The following SRGAP2 variants were observed in gnomAD, a reference collection of about 807,000 sequenced individuals.
SRGAP2 encodes the protein SLIT-ROBO Rho GTPase-activating protein 2.
A neutral mutation model predicts 57.2 loss-of-function variants in SRGAP2; 15 were observed. The observed-to-expected ratio is 0.26, with a 90% CI of 0.18 to 0.40. SRGAP2 has a LOEUF of 0.40. Ranked by LOEUF, SRGAP2 falls within the 10% of genes least tolerant of loss-of-function variation. The probability of loss-of-function intolerance (pLI) is 1.00; values close to 1 mark genes in which losing one functional copy is unlikely to be tolerated. For missense variants in SRGAP2, 520 were observed against 669.6 expected, an observed-to-expected ratio of 0.78 and a Z score of 2.47; for synonymous variants, 249 against 248.0, an observed-to-expected ratio of 1.00 and a Z score of -0.04.
intron 2 of SRGAP2, chr1:206,208,321 A>G (rs1481767408): frequency 6.6e-6 from 1 of 151,510 alleles, no homozygotes; most frequent in Non-Finnish European, 1.5e-5. Flanking sequence ...TTGGTTGCTC[A>G]TTATGTTCCA....
intron 5 of SRGAP2, among the ~76,000 whole-genome samples, chr1:206,389,596 G>T (rs1281877601): frequency 6.6e-6 from 1 of 152,024 alleles, no homozygotes; most frequent in Non-Finnish European, 1.5e-5. Context: ...CTCTAGTTTT[G>T]GTTTAGGACT....
At chr1:206,241,911 C>CGTGT (rs781785493) in intron 2 of SRGAP2, among the ~76,000 whole-genome samples, 7,206 of 103,986 alleles carry the variant, frequency 0.069, 399 homozygotes, top group African/African-American at 0.092. Context: ...GAGGTGTTTG[C>CGTGT]GTGTGTGTGT....
chr1:206,362,839 C>G (rs1221305637), intron 4 of SRGAP2, among the ~76,000 whole-genome samples: 2 of 151,978 alleles, frequency 1.3e-5, no homozygotes, highest in Non-Finnish European at 1.5e-5. Context: ...AGTTCTGACT[C>G]TCTGGGGCAG....
chr1:206,269,305 CT>C lies in SRGAP2; in HGVS notation c.68-33974del, dbSNP rs1213503349. On this transcript the variant is annotated intron_variant, in intron 2 of 22. Transcript: ENST00000573034. ...GATAGTAATCCGTATCATGGTCACCCTTATGGAAGGGTAATGACTGGAAGGG... is the reference window on the plus strand; with the variant it reads ...GATAGTAATCCGTATCATGGTCACCCTATGGAAGGGTAATGACTGGAAGGG... Among the ~76,000 whole-genome samples, 333 of 122,108 alleles carry C rather than the reference CT, an allele frequency of 2.7e-3. 4 individuals carry two copies. Among genetic ancestry groups the C allele is most frequent in the African/African-American group, 0.011 (316 of 29,234 alleles). The allele number at this position is 122,108 out of a possible 152,430, so 80.1% of individuals were successfully genotyped here.
intron 3 of SRGAP2, among the ~76,000 whole-genome samples, chr1:206,303,888 TCA>T (rs1172123806): frequency 0.34 from 47,646 of 138,346 alleles, 4,358 homozygotes; most frequent in East Asian, 0.53. Context: ...TCTCTCTCTC[TCA>T]CACACACACA....
chr1:206,325,950 G>A (rs1268305838), intron 3 of SRGAP2, among the ~76,000 whole-genome samples: 1 of 152,042 alleles, frequency 6.6e-6, no homozygotes, highest in Non-Finnish European at 1.5e-5. Context: ...AGGTGGTTTG[G>A]GGTCTTGAAG....
chr1:206,333,146 TGAG>T (rs1288301526), intron 3 of SRGAP2, among the ~76,000 whole-genome samples: 30 of 148,006 alleles, frequency 2.0e-4, no homozygotes, highest in Admixed American at 8.8e-4. Flanking sequence ...GGGACCCACT[TGAG>T]GAGGCAGTCT....
At chr1:206,323,001 A>G (rs1187718476) in intron 3 of SRGAP2, among the ~76,000 whole-genome samples, 7 of 151,678 alleles carry the variant, frequency 4.6e-5, no homozygotes, top group African/African-American at 1.7e-4. Flanking sequence ...CAGTCCCACA[A>G]GAGTGAGAAT....
intron 18 of SRGAP2, among the ~76,000 whole-genome samples, chr1:206,450,136 A>C (rs1217177285): frequency 6.6e-6 from 1 of 152,212 alleles, no homozygotes; most frequent in Non-Finnish European, 1.5e-5. Context: ...TATACCTTCA[A>C]AAGGGCTTCC....
chr1:206,383,218 T>C (rs1553347596), intron 4 of SRGAP2, among the ~76,000 whole-genome samples: 3 of 148,728 alleles, frequency 2.0e-5, no homozygotes, highest in African/African-American at 7.7e-5. Flanking sequence ...AGAGATGGGG[T>C]TTCACTATGT....
At chr1:206,387,019 A>G (rs1572020411) in intron 5 of SRGAP2, among the ~76,000 whole-genome samples, 1 of 135,714 alleles carries the variant, frequency 7.4e-6, no homozygotes, top group South Asian at 2.6e-4. Flanking sequence ...CCAGCTACTC[A>G]GGAGGCTGAG....
At chr1:206,429,427 T>A (rs1661099137) in intron 13 of SRGAP2, among the ~76,000 whole-genome samples, 3 of 152,280 alleles carry the variant, frequency 2.0e-5, no homozygotes, top group African/African-American at 4.8e-5. Context: ...ACATAGGATC[T>A]GCTCTTGTGA....
At chr1:206,430,278 G>C (rs1240756696) in intron 14 of SRGAP2, 56 bp downstream of exon 14, 18 of 778,528 alleles carry the variant, frequency 2.3e-5, no homozygotes, top group South Asian at 2.0e-4. Flanking sequence ...AGAACTTCCA[G>C]GAATTCTTTG....
chr1:206,401,326 T>C (rs1553355381), intron 7 of SRGAP2, 95 bp from the exon 8 acceptor site: 1 of 714,146 alleles, frequency 1.4e-6, no homozygotes, highest in African/African-American at 1.8e-5. Context: ...GCCAAGCCTA[T>C]TGATGTGGTC....
intron 2 of SRGAP2, among the ~76,000 whole-genome samples, chr1:206,239,487 T>C (rs1401929863): frequency 2.6e-5 from 4 of 152,198 alleles, no homozygotes; most frequent in African/African-American, 9.7e-5. Context: ...AGACAGAGTC[T>C]TCCTCTGTCG....
chr1:206,450,333 A>G, intron 18 of SRGAP2, 53 bp from the exon 19 acceptor site: 1 of 773,404 alleles, frequency 1.3e-6, no homozygotes, highest in Non-Finnish European at 2.4e-6. Flanking sequence ...AGGGGAAGAC[A>G]AGAATTTTAT....
intron 3 of SRGAP2, among the ~76,000 whole-genome samples, chr1:206,320,338 TAA>T (rs1240519457): frequency 2.1e-5 from 1 of 46,688 alleles, no homozygotes; most frequent in Non-Finnish European, 4.1e-5. Flanking sequence ...TGAAATATTT[TAA>T]GTTTGTTTAT....
Position 206,439,355 on chromosome 1 carries a change from T to C in SRGAP2, c.1769-621T>C, listed in dbSNP as rs201732887. Among the ~76,000 whole-genome samples, 8 of 152,110 alleles carry C rather than the reference T, an allele frequency of 5.3e-5. No homozygotes were observed. The East Asian group carries it at 1.5e-3, about 29-fold the overall frequency. ...TACATACCCAGGGGCCTGCTACCTC[T>C]TGCCTCAGGCCACTTTTTACTCATT... On this transcript the variant is annotated intron_variant, in intron 16 of 22. Coordinates refer to ENST00000573034, the MANE Select transcript of SRGAP2 (RefSeq NM_015326.5).
In SRGAP2 at chr1:206,327,075, C is replaced by A. The variant is rs1178899364; in HGVS notation, c.261-15771C>A. Reference sequence around the variant, plus strand: ...GGTGCGGTGGTTCACACCTGTAATCCCAGCACTTTGGGAGGCCAATGTGGA... The same window carrying A: ...GGTGCGGTGGTTCACACCTGTAATCACAGCACTTTGGGAGGCCAATGTGGA... On this transcript the variant is annotated intron_variant, in intron 3 of 22. Transcript: ENST00000573034. Among the ~76,000 whole-genome samples, 111 of 152,012 alleles carry A rather than the reference C, an allele frequency of 7.3e-4. 1 individual carries two copies. Among genetic ancestry groups the A allele is most frequent in the Middle Eastern group, 3.2e-3 (1 of 316 alleles).
Sources: allele counts gnomAD v4.1 joint callset (sites outside exome capture counted in the v4.1 genomes callset), GRCh38; gene constraint gnomAD v4.1.1; transcripts MANE v1.5; gene names NCBI Gene and HGNC (gene_info 2026-07-23, HGNC 2026-07-21).